Variants in ABR observed in about 807,000 individuals in gnomAD.
The protein encoded by ABR is ABR activator of RhoGEF and GTPase.
A neutral mutation model predicts 107.2 loss-of-function variants in ABR; 35 were observed. The ratio of observed to expected loss-of-function variants is 0.33; its 90% CI spans 0.25 to 0.43. The LOEUF (loss-of-function observed/expected upper bound fraction) is 0.43, where lower values mean the gene tolerates loss of function less well. Among genes scored for constraint, ABR ranks in the 20% least tolerant of loss-of-function variants. The probability of loss-of-function intolerance (pLI) is 1.00; values close to 1 mark genes in which losing one functional copy is unlikely to be tolerated. For synonymous variants in ABR, 498 were observed against 462.0 expected (o/e 1.08, Z -1.00); for missense variants, 815 against 1,115.2 (o/e 0.73, Z 3.83).
intron 16 of ABR, chr17:1,031,804 C>G (rs1454681160): frequency 4.1e-6 from 5 of 1,229,152 alleles, no homozygotes; most frequent in Non-Finnish European, 5.1e-6. Flanking sequence ...GTCCCGGCTG[C>G]CAGTCCCGCT....
chr17:1,111,054 C>T (rs541767666), intron 2 of ABR, among the ~76,000 whole-genome samples: 93 of 152,288 alleles, frequency 6.1e-4, no homozygotes, highest in Non-Finnish European at 1.1e-3. Flanking sequence ...GTCTCCCGCC[C>T]GGCGGGCTCC....
At chr17:1,085,379 G>C (rs2036531311) in intron 4 of ABR, among the ~76,000 whole-genome samples, 1 of 151,914 alleles carries the variant, frequency 6.6e-6, no homozygotes, top group African/African-American at 2.4e-5. Flanking sequence ...GCCTCCCAAA[G>C]TGCTGGGATT....
At chr17:1,135,377 CT>C (rs71148437) in intron 1 of ABR, among the ~76,000 whole-genome samples, 1,157 of 51,368 alleles carry the variant, frequency 0.023, 36 homozygotes, top group African/African-American at 0.043. Context: ...TTCTTTTTGT[CT>C]TTTTTTTTTT....
At position 1,172,749 on chromosome 17, in the gene ABR, C is replaced by CA. The variant is rs560838752; in HGVS notation, c.61+6917dup. On this transcript the variant is annotated intron_variant, in intron 1 of 22. Transcript: ENST00000302538. ...TGGGTGACAGAGCAAGACTCCATCT[C>CA]AAAAAAAAAAGAAAAGAAAAGCAAG... is the stretch of plus-strand genomic sequence containing the variant. Among the ~76,000 whole-genome samples, 72 of 145,108 alleles carry CA rather than the reference C, an allele frequency of 5.0e-4. 1 individual carries two copies. In the East Asian group the frequency reaches 6.9e-3, roughly 14 times the overall value.
chr17:1,035,805 G>A (rs896384466), intron 16 of ABR, among the ~76,000 whole-genome samples: 2 of 149,746 alleles, frequency 1.3e-5, no homozygotes, highest in Non-Finnish European at 3.0e-5. Flanking sequence ...TCTGCAAGGG[G>A]AGTGAGAGGG....
intron 17 of ABR, 58 bp from the exon 18 acceptor site, chr17:1,012,855 C>T: frequency 3.5e-6 from 5 of 1,416,644 alleles, no homozygotes; most frequent in Admixed American, 2.0e-5. Context: ...CGAGGAATGC[C>T]CCCAAAACAC....
chr17:1,105,682 T>A (rs1177558802), intron 2 of ABR, among the ~76,000 whole-genome samples: 1 of 152,182 alleles, frequency 6.6e-6, no homozygotes, highest in Non-Finnish European at 1.5e-5. Context: ...CAGACTAGCA[T>A]GGGCAACATG....
At chr17:1,180,480 C>T (rs766797208), upstream of ABR, among the ~76,000 whole-genome samples, 17 of 152,276 alleles carry the variant, frequency 1.1e-4, no homozygotes, top group Non-Finnish European at 2.2e-4. Context: ...CCTCTGAGCG[C>T]GGCCGTTCCC....
chr17:1,101,708 T>C (rs141400303), intron 2 of ABR, among the ~76,000 whole-genome samples: 5 of 152,010 alleles, frequency 3.3e-5, no homozygotes, highest in African/African-American at 4.8e-5. Context: ...TGGCTTAGAC[T>C]CTAGTGGGAA....
intron 2 of ABR, among the ~76,000 whole-genome samples, chr17:1,123,882 C>T (rs1242099875): frequency 1.3e-5 from 2 of 152,206 alleles, no homozygotes; most frequent in Non-Finnish European, 2.9e-5. Context: ...ACCCTGCCCC[C>T]GCAGGTCCGA....
At chr17:1,046,766 A>G (rs1027364893) in intron 16 of ABR, among the ~76,000 whole-genome samples, 1 of 152,172 alleles carries the variant, frequency 6.6e-6, no homozygotes, top group Non-Finnish European at 1.5e-5. Flanking sequence ...CCCACATACC[A>G]TACGCAGAGA....
intron 2 of ABR, among the ~76,000 whole-genome samples, chr17:1,121,088 G>T (rs2039323624): frequency 6.6e-6 from 1 of 152,258 alleles, no homozygotes; most frequent in African/African-American, 2.4e-5. Flanking sequence ...GCCTGGCCCT[G>T]CCGTGCTGCC....
chr17:1,184,453 CAAAAATA>C (rs568993132), upstream of ABR, among the ~76,000 whole-genome samples: 60 of 151,838 alleles, frequency 4.0e-4, no homozygotes, highest in South Asian at 8.3e-4. Flanking sequence ...GACTCCGTCT[CAAAAATA>C]AAAAATAAAA....
At chr17:1,143,524 CTCCTGGGGGACAGCTCAT>C (rs796947930) in intron 1 of ABR, among the ~76,000 whole-genome samples, 27,478 of 95,732 alleles carry the variant, frequency 0.29, 3,659 homozygotes, top group Middle Eastern at 0.35. Context: ...GGACAGCTCG[CTCCTGGGGGACAGCTCAT>C]TCCTGGGGGA....
intron 20 of ABR, 170 bp from the exon 21 acceptor site, chr17:1,009,954 T>A: frequency 3.2e-6 from 2 of 617,960 alleles, no homozygotes; most frequent in African/African-American, 1.8e-5. Flanking sequence ...CAGCAGCTGC[T>A]TCCTCCAGGA....
intron 4 of ABR, among the ~76,000 whole-genome samples, chr17:1,090,384 C>T (rs1306821240): frequency 1.3e-5 from 2 of 151,670 alleles, no homozygotes; most frequent in African/African-American, 4.8e-5. Context: ...TCTCTCCCCT[C>T]TAAGGAGAGG....
chr17:1,042,412 A>G (rs1458143815), intron 16 of ABR, among the ~76,000 whole-genome samples: 4 of 151,960 alleles, frequency 2.6e-5, no homozygotes, highest in Non-Finnish European at 5.9e-5. Context: ...GGATGGATAA[A>G]TAGACATGGC....
At chr17:1,066,421 C>G (rs1055527247) in intron 10 of ABR, among the ~76,000 whole-genome samples, 1 of 152,148 alleles carries the variant, frequency 6.6e-6, no homozygotes, top group African/African-American at 2.4e-5. Flanking sequence ...ATTTATTTGC[C>G]TACTTGATCT....
chr17:1,223,884 C>T (rs544534546), intron 1 of ABR, among the ~76,000 whole-genome samples: 33 of 152,266 alleles, frequency 2.2e-4, no homozygotes, highest in African/African-American at 7.9e-4. Flanking sequence ...ATGATCCAGT[C>T]GCCTCCCACC....
Sources: allele counts gnomAD v4.1 joint callset (sites outside exome capture counted in the v4.1 genomes callset), GRCh38; gene constraint gnomAD v4.1.1; transcripts MANE v1.5; gene names NCBI Gene and HGNC (gene_info 2026-07-23, HGNC 2026-07-21).